CMKLR1: variants seen among roughly 807,000 people sequenced by gnomAD.
The protein encoded by CMKLR1 is chemerin chemokine-like receptor 1, also known as chemerin-like receptor 1.
Under a neutral mutation model 8.2 loss-of-function variants are expected in CMKLR1, and 6 were observed. That is an observed-to-expected ratio of 0.73 (90% CI 0.40 to 1.44). The LOEUF (loss-of-function observed/expected upper bound fraction) is 1.44. CMKLR1 is among the 40% of genes most tolerant of loss of function. The probability of loss-of-function intolerance (pLI) is 0.02; values close to 1 mark genes in which losing one functional copy is unlikely to be tolerated. For synonymous variants in CMKLR1, 178 were observed against 181.2 expected (o/e 0.98, Z 0.14); for missense variants, 429 against 478.0 (o/e 0.90, Z 0.96).
intron 2 of CMKLR1, among the ~76,000 whole-genome samples, chr12:108,300,281 G>A (rs1417030892): frequency 6.6e-6 from 1 of 152,142 alleles, no homozygotes; most frequent in East Asian, 1.9e-4. Context: ...TAACCTTGGG[G>A]GTTAGTGCTT....
chr12:108,324,659 T>C (rs1345627914), intron 2 of CMKLR1, among the ~76,000 whole-genome samples: 2 of 152,224 alleles, frequency 1.3e-5, no homozygotes, highest in Non-Finnish European at 2.9e-5. Context: ...GCATGTGCCC[T>C]CAAAATAATT....
chr12:108,332,765 A>G (rs1892138391), intron 1 of CMKLR1, among the ~76,000 whole-genome samples: 1 of 152,136 alleles, frequency 6.6e-6, no homozygotes, highest in Admixed American at 6.5e-5. Flanking sequence ...GTAGAGAGTG[A>G]ACCGTAAGAG....
chr12:108,329,432 C>T (rs1892054049), intron 2 of CMKLR1, among the ~76,000 whole-genome samples: 1 of 152,216 alleles, frequency 6.6e-6, no homozygotes, highest in African/African-American at 2.4e-5. Context: ...CCTTTGAACC[C>T]AGCTCGAATA....
At chr12:108,308,842 T>C (rs1344696167) in intron 2 of CMKLR1, among the ~76,000 whole-genome samples, 1 of 152,184 alleles carries the variant, frequency 6.6e-6, no homozygotes, top group Non-Finnish European at 1.5e-5. Flanking sequence ...ATTAAATACC[T>C]ATTATGAGCC....
intron 2 of CMKLR1, among the ~76,000 whole-genome samples, chr12:108,304,444 A>T (rs976738027): frequency 2.0e-5 from 3 of 152,128 alleles, no homozygotes; most frequent in Non-Finnish European, 4.4e-5. Flanking sequence ...CCTTTGCCCA[A>T]TGGGTTCTTT....
At chr12:108,293,731 GGACCCAGCCAGAAA>G (rs1347722414) in intron 2 of CMKLR1, 67 bp from the exon 3 acceptor site, 37 of 820,158 alleles carry the variant, frequency 4.5e-5, no homozygotes, top group Non-Finnish European at 6.9e-5. Context: ...AGGGTTGAGT[GGACCCAGCCAGAAA>G]TAAGATCTGT....
At chr12:108,307,308 G>A (rs4964244) in intron 2 of CMKLR1, among the ~76,000 whole-genome samples, 67,603 of 152,000 alleles carry the variant, frequency 0.44, 16,656 homozygotes, top group African/African-American at 0.66. Context: ...TGCTGTTCTG[G>A]GTGTGGGCTT....
At chr12:108,303,885 T>A (rs77716376) in intron 2 of CMKLR1, among the ~76,000 whole-genome samples, 4,815 of 152,326 alleles carry the variant, frequency 0.032, 102 homozygotes, top group Non-Finnish European at 0.049. Context: ...TATTCATCCA[T>A]CCTCCAAGGA....
rs1366066989 is a variant in CMKLR1, at chr12:108,289,653, T to G, written c.*2188A>C. On this transcript the variant is annotated 3_prime_UTR_variant, in exon 4 of 4. Coordinates refer to ENST00000550402, the MANE Select transcript of CMKLR1 (RefSeq NM_001142343.2). ...GACAGGTCCCATCCCATCTCGTGCC[T>G]CAGTAAATGTGGGAAGAGGGGAGAT... 6.6e-6 allele frequency: 1 copy of G among 152,166 alleles called. No individual in the cohort carries two copies. The highest frequency in any genetic ancestry group is 1.5e-5 in the Non-Finnish European group (1 of 68,036). 9.4% of individuals were successfully genotyped at this position (152,166 alleles called of 1,614,324 possible). A position where few individuals can be genotyped will look rare whatever the true frequency, so the allele number is the denominator to read the frequency against.
In CMKLR1 at chr12:108,291,538, A is replaced by C. The variant is rs1890964735; in HGVS notation, c.*303T>G. The C allele has an allele frequency of 5.6e-6, 2 of 359,976 alleles. No homozygotes were observed. The highest frequency in any genetic ancestry group is 1.0e-5 in the Non-Finnish European group (2 of 195,694). 22.3% of individuals were successfully genotyped at this position (359,976 alleles called of 1,614,324 possible). On this transcript the variant is annotated 3_prime_UTR_variant, in exon 4 of 4. Coordinates refer to ENST00000550402, the MANE Select transcript of CMKLR1 (RefSeq NM_001142343.2). ...ATAGGCAGCTTAATCCCACCGCCCTATGCCAATCCCAGTTCATGGCAATGC... is the reference window on the plus strand; with the variant it reads ...ATAGGCAGCTTAATCCCACCGCCCTCTGCCAATCCCAGTTCATGGCAATGC...
intron 2 of CMKLR1, among the ~76,000 whole-genome samples, chr12:108,325,065 G>A (rs954662238): frequency 6.6e-6 from 1 of 152,232 alleles, no homozygotes; most frequent in Non-Finnish European, 1.5e-5. Flanking sequence ...AAGGAGGAGG[G>A]AGAAGGAGAC....
chr12:108,327,071 A>G (rs1891996388), intron 2 of CMKLR1, among the ~76,000 whole-genome samples: 2 of 152,234 alleles, frequency 1.3e-5, no homozygotes, highest in African/African-American at 2.4e-5. Context: ...ATTTGAACTC[A>G]GGTCTAACTC....
intron 2 of CMKLR1, among the ~76,000 whole-genome samples, chr12:108,322,462 T>G (rs1465574536): frequency 6.6e-6 from 1 of 152,206 alleles, no homozygotes; most frequent in Non-Finnish European, 1.5e-5. Flanking sequence ...CGTGTGAAAG[T>G]GCAATGCTTT....
At chr12:108,326,196 C>T (rs1891978765) in intron 2 of CMKLR1, among the ~76,000 whole-genome samples, 1 of 152,208 alleles carries the variant, frequency 6.6e-6, no homozygotes, top group African/African-American at 2.4e-5. Flanking sequence ...CAAACTTCTC[C>T]TATGAAATTG....
chr12:108,336,965 G>C (rs1443727898), intron 1 of CMKLR1, among the ~76,000 whole-genome samples: 3 of 152,186 alleles, frequency 2.0e-5, no homozygotes, highest in Non-Finnish European at 2.9e-5. Flanking sequence ...TATAGATGAG[G>C]AAACTCAGGC....
At position 108,291,810 on chromosome 12, in the gene CMKLR1, G is replaced by T; in HGVS notation, c.*31C>A. The stretch of plus-strand genomic sequence containing the variant: ...ATATCCTTGGGTGTCCCTGGGTTGA[G>T]AGAGTCCATTGAGGGGTTCCACAGT... On this transcript the variant is annotated 3_prime_UTR_variant, in exon 4 of 4. Transcript: ENST00000550402. 6.3e-7 allele frequency: 1 copy of T among 1,585,304 alleles called. No homozygotes were observed. Among genetic ancestry groups the T allele is most frequent in the Non-Finnish European group, 8.6e-7 (1 of 1,166,674 alleles).
At chr12:108,328,057 T>G (rs1236960251) in intron 2 of CMKLR1, among the ~76,000 whole-genome samples, 1 of 152,130 alleles carries the variant, frequency 6.6e-6, no homozygotes, top group Non-Finnish European at 1.5e-5. Flanking sequence ...GTCGTGTTTA[T>G]GATTTCCTGA....
At chr12:108,305,970 C>A (rs1336883514) in intron 2 of CMKLR1, among the ~76,000 whole-genome samples, 1 of 152,268 alleles carries the variant, frequency 6.6e-6, no homozygotes, top group East Asian at 1.9e-4. Context: ...CAGGGAGACC[C>A]CCCCACCCAA....
intron 2 of CMKLR1, among the ~76,000 whole-genome samples, chr12:108,325,076 G>A (rs142073303): frequency 5.3e-5 from 8 of 152,306 alleles, no homozygotes; most frequent in Admixed American, 2.6e-4. Context: ...AGAAGGAGAC[G>A]GAGCAGCCGA....
Sources: allele counts gnomAD v4.1 joint callset (sites outside exome capture counted in the v4.1 genomes callset), GRCh38; gene constraint gnomAD v4.1.1; transcripts MANE v1.5; gene names NCBI Gene and HGNC (gene_info 2026-07-23, HGNC 2026-07-21).